The following USP34 variants were observed in gnomAD, a reference collection of about 807,000 sequenced individuals.
USP34 encodes the protein ubiquitin carboxyl-terminal hydrolase 34.
In USP34, 70 loss-of-function variants were observed where a neutral mutation model predicts 460.3. The observed-to-expected ratio is 0.15, with a 90% CI of 0.13 to 0.19. The LOEUF is 0.19. Among genes scored for constraint, USP34 ranks in the 10% least tolerant of loss-of-function variants. The pLI, the probability that USP34 is intolerant of heterozygous loss-of-function variation, is 1.00. For missense variants in USP34, 3,985 were observed against 4,236.2 expected (o/e 0.94, Z 1.65); for synonymous variants, 1,647 against 1,405.3 (o/e 1.17, Z -3.85).
chr2:61,298,657 G>A (rs1690118425), intron 29 of USP34, among the ~76,000 whole-genome samples: 1 of 148,894 alleles, frequency 6.7e-6, no homozygotes, highest in Admixed American at 6.8e-5. Context: ...TAACAGCCCA[G>A]GATCTCTTAT....
chr2:61,322,062 C>CTACTAAAAA (rs1202458529), intron 21 of USP34, among the ~76,000 whole-genome samples: 1 of 152,076 alleles, frequency 6.6e-6, no homozygotes, highest in African/African-American at 2.4e-5. Context: ...AACCCCATCT[C>CTACTAAAAA]TACTAAAAAT....
chr2:61,406,935 G>A (rs756573729), intron 2 of USP34, among the ~76,000 whole-genome samples: 16 of 152,050 alleles, frequency 1.1e-4, no homozygotes, highest in East Asian at 5.8e-4. Context: ...ACTTGAACCC[G>A]GGAGGCGGAG....
intron 8 of USP34, among the ~76,000 whole-genome samples, chr2:61,376,271 T>A (rs1004700725): frequency 6.6e-6 from 1 of 152,052 alleles, no homozygotes; most frequent in Non-Finnish European, 1.5e-5. Flanking sequence ...ATTTATCACA[T>A]GCTTTTTCTG....
chr2:61,424,231 T>A (rs1694444540), intron 1 of USP34, among the ~76,000 whole-genome samples: 1 of 152,216 alleles, frequency 6.6e-6, no homozygotes. Context: ...GCTCCTAGGC[T>A]ACAAACCTGT....
chr2:61,269,550 A>G (rs1689152243), intron 41 of USP34, among the ~76,000 whole-genome samples: 1 of 152,130 alleles, frequency 6.6e-6, no homozygotes, highest in African/African-American at 2.4e-5. Context: ...CAATAATTCA[A>G]TAATTTCCTG....
At chr2:61,194,291 G>C in intron 75 of USP34, 2 of 985,398 alleles carry the variant, frequency 2.0e-6, no homozygotes, top group Non-Finnish European at 2.4e-6. Context: ...GTTGGTGTTT[G>C]GCAGCATATA....
At chr2:61,370,653 T>A in intron 8 of USP34, 74 bp from the exon 9 acceptor site, 2 of 1,362,098 alleles carry the variant, frequency 1.5e-6, no homozygotes, top group Non-Finnish European at 2.0e-6. Context: ...GTAGAGTCAA[T>A]TGAAAACCTA....
intron 8 of USP34, among the ~76,000 whole-genome samples, chr2:61,377,175 G>A (rs1013623833): frequency 7.9e-5 from 12 of 152,058 alleles, no homozygotes; most frequent in African/African-American, 2.9e-4. Context: ...TCTTTAGCCT[G>A]AAGGGAAAAA....
intron 75 of USP34, among the ~76,000 whole-genome samples, chr2:61,194,609 A>G (rs1360478542): frequency 6.6e-6 from 1 of 152,184 alleles, no homozygotes; most frequent in Non-Finnish European, 1.5e-5. Context: ...AGTGATCCTT[A>G]CACCTTAGCC....
chr2:61,269,412 T>C (rs1311579480), intron 41 of USP34, among the ~76,000 whole-genome samples: 1 of 151,726 alleles, frequency 6.6e-6, no homozygotes, highest in African/African-American at 2.4e-5. Context: ...GCAATCCTTT[T>C]GCCTCGACCT....
intron 2 of USP34, among the ~76,000 whole-genome samples, chr2:61,411,728 A>G (rs1694046060): frequency 6.6e-6 from 1 of 152,104 alleles, no homozygotes; most frequent in African/African-American, 2.4e-5. Context: ...AAGAAAGCCT[A>G]CTCACCATTT....
intron 21 of USP34, among the ~76,000 whole-genome samples, chr2:61,320,678 AATATAGGAAG>A (rs996767597): frequency 6.6e-5 from 10 of 151,882 alleles, no homozygotes; most frequent in African/African-American, 2.4e-4. Flanking sequence ...CGGTCTGGGC[AATATAGGAAG>A]ACATTGTCTT....
chr2:61,304,968 T>C (rs767343606), intron 27 of USP34, among the ~76,000 whole-genome samples: 18 of 152,220 alleles, frequency 1.2e-4, no homozygotes, highest in Non-Finnish European at 2.4e-4. Flanking sequence ...TGATTTATAA[T>C]TGAATACTGA....
intron 1 of USP34, among the ~76,000 whole-genome samples, chr2:61,423,014 G>A (rs1367849674): frequency 6.6e-6 from 1 of 152,178 alleles, no homozygotes; most frequent in African/African-American, 2.4e-5. Flanking sequence ...GGGTAACAGA[G>A]TGAGACCCCC....
intron 48 of USP34, among the ~76,000 whole-genome samples, chr2:61,251,196 T>C (rs912220058): frequency 6.6e-6 from 1 of 152,130 alleles, no homozygotes; most frequent in Non-Finnish European, 1.5e-5. Flanking sequence ...AAAAACTTGG[T>C]AGTAAATTTT....
At chr2:61,334,757 G>A (rs753113183) in intron 18 of USP34, among the ~76,000 whole-genome samples, 1 of 152,068 alleles carries the variant, frequency 6.6e-6, no homozygotes, top group Non-Finnish European at 1.5e-5. Flanking sequence ...AGTGAATAAT[G>A]GTGTGGTTCA....
At chr2:61,377,317 C>G (rs1692827630) in intron 8 of USP34, among the ~76,000 whole-genome samples, 1 of 152,056 alleles carries the variant, frequency 6.6e-6, no homozygotes, top group Non-Finnish European at 1.5e-5. Context: ...AATTTTCTAA[C>G]AAACCAATCC....
At chr2:61,369,756 TAAGA>T (rs1205265041) in intron 10 of USP34, among the ~76,000 whole-genome samples, 12 of 132,904 alleles carry the variant, frequency 9.0e-5, no homozygotes, top group African/African-American at 3.1e-4. Context: ...CAGAATAAAT[TAAGA>T]AAGAAAAAAA....
At chr2:61,336,809 CAAAAAAAAAAAAAA>C (rs10593128) in intron 18 of USP34, among the ~76,000 whole-genome samples, 2 of 65,052 alleles carry the variant, frequency 3.1e-5, no homozygotes, top group African/African-American at 1.2e-4. Context: ...GACTCCATCT[CAAAAAAAAAAAAAA>C]AAAAAAAAAG....
Sources: allele counts gnomAD v4.1 joint callset (sites outside exome capture counted in the v4.1 genomes callset), GRCh38; gene constraint gnomAD v4.1.1; transcripts MANE v1.5; gene names NCBI Gene and HGNC (gene_info 2026-07-23, HGNC 2026-07-21).